Variants in HTR1F observed in about 807,000 individuals in gnomAD.
The protein encoded by HTR1F is 5-hydroxytryptamine receptor 1F, also known as 5-hydroxytryptamine (serotonin) receptor 1F, G protein-coupled.
A neutral mutation model predicts 24.0 loss-of-function variants in HTR1F; 17 were observed. The ratio of observed to expected loss-of-function variants is 0.71; its 90% confidence interval spans 0.48 to 1.06. The LOEUF is 1.06. Among genes scored for constraint, HTR1F ranks in the 50% least tolerant of loss-of-function variants. The probability of loss-of-function intolerance (pLI) is 0.00; values close to 1 mark genes in which losing one functional copy is unlikely to be tolerated. For missense variants in HTR1F, 391 were observed against 427.8 expected (o/e 0.91, Z 0.76); for synonymous variants, 186 against 156.8 (o/e 1.19, Z -1.39).
chr3:87,932,963 T>C (rs1289932864), intron 2 of HTR1F, among the ~76,000 whole-genome samples: 3 of 149,484 alleles, frequency 2.0e-5, no homozygotes, highest in Non-Finnish European at 4.4e-5. Flanking sequence ...AATAAAATAC[T>C]GGCAAACCAA....
intron 1 of HTR1F, among the ~76,000 whole-genome samples, chr3:87,799,304 C>G (rs945164496): frequency 6.6e-6 from 1 of 152,124 alleles, no homozygotes; most frequent in African/African-American, 2.4e-5. Flanking sequence ...GTTATACATA[C>G]TGCCTTCATG....
intron 2 of HTR1F, among the ~76,000 whole-genome samples, chr3:87,924,301 T>G (rs368991569): frequency 5.9e-5 from 9 of 152,156 alleles, no homozygotes; most frequent in African/African-American, 2.2e-4. Flanking sequence ...TAATGTTTAC[T>G]TGTAAGGTTC....
chr3:87,952,048 C>A (rs577454100), intron 2 of HTR1F, among the ~76,000 whole-genome samples: 8 of 151,908 alleles, frequency 5.3e-5, no homozygotes, highest in Non-Finnish European at 1.2e-4. Context: ...CTGGATGTAC[C>A]ACAGTTAATC....
intron 2 of HTR1F, among the ~76,000 whole-genome samples, chr3:87,944,746 T>C (rs1465718649): frequency 6.6e-6 from 1 of 152,228 alleles, no homozygotes; most frequent in Non-Finnish European, 1.5e-5. Context: ...CACAATGAGG[T>C]TTCCTCTAAA....
intron 2 of HTR1F, among the ~76,000 whole-genome samples, chr3:87,926,285 T>A (rs1473304495): frequency 6.6e-6 from 1 of 152,186 alleles, no homozygotes; most frequent in African/African-American, 2.4e-5. Context: ...GGACTTTAGA[T>A]TAACTAAATA....
At chr3:87,937,757 A>T (rs1440826713) in intron 2 of HTR1F, among the ~76,000 whole-genome samples, 1 of 152,058 alleles carries the variant, frequency 6.6e-6, no homozygotes, top group Non-Finnish European at 1.5e-5. Context: ...CCCCGTCTCT[A>T]CTAAAAACAC....
chr3:87,843,551 T>C (rs1319975072), intron 2 of HTR1F, among the ~76,000 whole-genome samples: 2 of 151,278 alleles, frequency 1.3e-5, no homozygotes, highest in Non-Finnish European at 2.9e-5. Context: ...TATTATACTT[T>C]AAGTTTTAGG....
At chr3:87,911,184 T>G (rs1341960906) in intron 2 of HTR1F, among the ~76,000 whole-genome samples, 1 of 151,920 alleles carries the variant, frequency 6.6e-6, no homozygotes, top group Non-Finnish European at 1.5e-5. Context: ...TCTAGGAGTT[T>G]GTTTTCTGCA....
Position 87,920,285 on chromosome 3 carries a change from C to T in HTR1F, c.-42-70423C>T, listed in dbSNP as rs58385075. On this transcript the variant is annotated intron_variant, in intron 2 of 2. Transcript: ENST00000319595. Reference sequence around the variant, plus strand: ...GAAGGGGGTGAGGGATAAAAGACTACGAATAGGGTAAAGTGTGTACTGCTC... The same window carrying T: ...GAAGGGGGTGAGGGATAAAAGACTATGAATAGGGTAAAGTGTGTACTGCTC... Among the ~76,000 whole-genome samples the T allele has an allele frequency of 4.6e-3, 700 of 151,688 alleles. 1 individual carries two copies. Among genetic ancestry groups the T allele is most frequent in the African/African-American group, 0.016 (665 of 41,400 alleles).
intron 2 of HTR1F, among the ~76,000 whole-genome samples, chr3:87,976,682 C>T (rs973095338): frequency 6.6e-6 from 1 of 152,018 alleles, no homozygotes; most frequent in East Asian, 1.9e-4. Flanking sequence ...TGAGATAGAC[C>T]TTGTCCAACC....
chr3:87,870,629 G>A (rs1705533207), intron 2 of HTR1F, among the ~76,000 whole-genome samples: 1 of 152,026 alleles, frequency 6.6e-6, no homozygotes, highest in Admixed American at 6.6e-5. Flanking sequence ...GGGGCTGCCT[G>A]AGGAATTGGT....
intron 2 of HTR1F, among the ~76,000 whole-genome samples, chr3:87,919,221 T>C (rs1195578615): frequency 6.6e-6 from 1 of 152,000 alleles, no homozygotes; most frequent in Non-Finnish European, 1.5e-5. Flanking sequence ...ATAAAAATCA[T>C]TCAAGATGGA....
chr3:87,970,713 A>G (rs1351037127), intron 2 of HTR1F, among the ~76,000 whole-genome samples: 3 of 152,308 alleles, frequency 2.0e-5, no homozygotes, highest in Non-Finnish European at 2.9e-5. Flanking sequence ...TCCTTCCCTT[A>G]TAATCTAAAC....
intron 2 of HTR1F, among the ~76,000 whole-genome samples, chr3:87,836,582 A>G (rs1377525641): frequency 1.3e-5 from 2 of 152,198 alleles, no homozygotes; most frequent in Non-Finnish European, 2.9e-5. Context: ...TTTGCAATTT[A>G]TTAAAGACTA....
chr3:87,909,425 C>T (rs1024448685), intron 2 of HTR1F, among the ~76,000 whole-genome samples: 5 of 151,968 alleles, frequency 3.3e-5, no homozygotes, highest in Admixed American at 6.6e-5. Flanking sequence ...CAACTCGTTA[C>T]GTGCTCACGA....
chr3:87,946,852 C>A (rs566000381), intron 2 of HTR1F, among the ~76,000 whole-genome samples: 149 of 152,140 alleles, frequency 9.8e-4, no homozygotes, highest in African/African-American at 3.5e-3. Context: ...GTCTTGATCT[C>A]CTGACCTCAT....
chr3:87,827,183 A>T (rs1305365797), intron 2 of HTR1F, among the ~76,000 whole-genome samples: 2 of 150,508 alleles, frequency 1.3e-5, no homozygotes, highest in Non-Finnish European at 2.9e-5. Context: ...GGTTCATTAC[A>T]TAGGTATATG....
chr3:87,898,691 A>ATT (rs35976075), intron 2 of HTR1F, among the ~76,000 whole-genome samples: 8 of 151,614 alleles, frequency 5.3e-5, no homozygotes, highest in East Asian at 3.9e-4. Flanking sequence ...GCTGACCAAT[A>ATT]TTTTTTTTCT....
intron 2 of HTR1F, among the ~76,000 whole-genome samples, chr3:87,889,090 C>G (rs1411786954): frequency 2.0e-5 from 3 of 152,078 alleles, no homozygotes; most frequent in Admixed American, 2.0e-4. Flanking sequence ...AAGAGCCTGG[C>G]ATCTCCCCAG....
Sources: gnomAD v4.1 joint callset for allele counts (sites outside exome capture counted in the v4.1 genomes callset) on GRCh38, gnomAD v4.1.1 for gene constraint, MANE v1.5 for transcripts, NCBI Gene and HGNC (gene_info 2026-07-23, HGNC 2026-07-21) for gene names.